Variants in AGAP1 observed in about 807,000 individuals in gnomAD.
The protein encoded by AGAP1 is ArfGAP with GTPase domain, ankyrin repeat and PH domain 1, also known as arf-GAP with GTPase, ANK repeat and PH domain-containing protein 1.
Under a neutral mutation model 105.3 loss-of-function variants are expected in AGAP1, and 29 were observed. The observed-to-expected ratio is 0.28, with a 90% CI of 0.21 to 0.38. The LOEUF is 0.38. AGAP1 is among the 10% of genes least tolerant of loss of function. The pLI is 1.00. For synonymous variants in AGAP1, 509 were observed against 485.9 expected, an observed-to-expected ratio of 1.05 and a Z score of -0.63; for missense variants, 998 against 1,165.1, an observed-to-expected ratio of 0.86 and a Z score of 2.09.
At chr2:235,807,539 T>C (rs1335523750) in intron 9 of AGAP1, among the ~76,000 whole-genome samples, 2 of 152,244 alleles carry the variant, frequency 1.3e-5, no homozygotes, top group Non-Finnish European at 2.9e-5. Context: ...ACAACAGACC[T>C]AATGAAGTGC....
At chr2:235,857,669 A>G (rs1480880104) in intron 9 of AGAP1, among the ~76,000 whole-genome samples, 1 of 152,158 alleles carries the variant, frequency 6.6e-6, no homozygotes, top group Non-Finnish European at 1.5e-5. Context: ...ACAGAAGAGC[A>G]CCTCCTCGGT....
chr2:236,119,522 A>G lies in AGAP1; in HGVS notation c.2115-670A>G, dbSNP rs6720573. The stretch of plus-strand genomic sequence containing the variant: ...ACACACCCCCTATTTCGGAGTTTGA[A>G]GCTAAAAGCACATGGTCACCCCCAG... On this transcript the variant is annotated intron_variant, in intron 16 of 17. Coordinates refer to ENST00000304032, the MANE Select transcript of AGAP1 (RefSeq NM_001037131.3). The surrounding 1 kb of genome is among the most constrained non-coding windows in gnomAD (Gnocchi z 6.6). Among the ~76,000 whole-genome samples, 214 of 152,188 alleles carry G rather than the reference A, an allele frequency of 1.4e-3. 1 individual carries two copies. Among genetic ancestry groups the G allele is most frequent in the African/African-American group, 4.9e-3 (202 of 41,538 alleles).
chr2:235,527,384 T>C (rs1942878944), intron 1 of AGAP1, among the ~76,000 whole-genome samples: 1 of 152,188 alleles, frequency 6.6e-6, no homozygotes. Context: ...CTTACCTTAT[T>C]GATTGAGACA....
intron 1 of AGAP1, among the ~76,000 whole-genome samples, chr2:235,497,379 T>G (rs1941362581): frequency 6.6e-6 from 1 of 152,236 alleles, no homozygotes; most frequent in Non-Finnish European, 1.5e-5. Flanking sequence ...TGCCCCTGCC[T>G]GTGCGTGCAC....
Position 235,799,221 on chromosome 2 carries a change from T to G in AGAP1, c.802-146T>G. 1 of 832,714 alleles carries G rather than the reference T, an allele frequency of 1.2e-6. No homozygotes were observed. The highest frequency in any genetic ancestry group is 1.9e-6 in the Non-Finnish European group (1 of 532,792). 51.6% of individuals were successfully genotyped at this position (832,714 alleles called of 1,614,324 possible). Reference sequence around the variant, plus strand: ...TCTGTAGACATGACACTAATACACCTGGCAAAGCCATAGACGCAAGTCAGC... The same window carrying G: ...TCTGTAGACATGACACTAATACACCGGGCAAAGCCATAGACGCAAGTCAGC... On this transcript the variant is annotated intron_variant, in intron 7 of 17. Coordinates refer to ENST00000304032, the MANE Select transcript of AGAP1 (RefSeq NM_001037131.3). This position sits in a 1 kb window ranked among gnomAD's most constrained non-coding sequence, Gnocchi z 5.0.
Position 235,747,769 on chromosome 2 carries a change from G to C in AGAP1, c.539-2585G>C, listed in dbSNP as rs564554913. 6.6e-6 allele frequency among the ~76,000 whole-genome samples: 1 copy of C among 152,370 alleles called. No homozygotes were observed. The highest frequency in any genetic ancestry group is 2.4e-5 in the African/African-American group (1 of 41,592). On this transcript the variant is annotated intron_variant, in intron 5 of 17. Transcript: ENST00000304032. The surrounding 1 kb of genome is among the most constrained non-coding windows in gnomAD (Gnocchi z 5.0). ...TTTCAGGGGTTTGGCTTCCTGGGATGCCAGAGACAAAAGAGGGATCAGGTT... is the reference window on the plus strand; with the variant it reads ...TTTCAGGGGTTTGGCTTCCTGGGATCCCAGAGACAAAAGAGGGATCAGGTT...
Position 235,612,663 on chromosome 2 carries a change from A to T in AGAP1, c.164-96516A>T, listed in dbSNP as rs775064237. Among the ~76,000 whole-genome samples, 5 of 152,200 alleles carry T rather than the reference A, an allele frequency of 3.3e-5. No homozygotes were observed. Among genetic ancestry groups the T allele is most frequent in the African/African-American group, 4.8e-5 (2 of 41,448 alleles). ...GGTTCACGTGTACCAAACTTGGGAAATCCTGACCAGCGCATCCAGGGTTGC... is the reference window on the plus strand; with the variant it reads ...GGTTCACGTGTACCAAACTTGGGAATTCCTGACCAGCGCATCCAGGGTTGC... On this transcript the variant is annotated intron_variant, in intron 1 of 17. Coordinates refer to ENST00000304032, the MANE Select transcript of AGAP1 (RefSeq NM_001037131.3). The surrounding 1 kb of genome is among the most constrained non-coding windows in gnomAD (Gnocchi z 4.3).
At chr2:235,627,500 C>CAT (rs1946681252) in intron 1 of AGAP1, among the ~76,000 whole-genome samples, 1 of 152,124 alleles carries the variant, frequency 6.6e-6, no homozygotes, top group Admixed American at 6.5e-5. Flanking sequence ...GCTGGGATTA[C>CAT]AGGCGTGAGC....
chr2:236,067,022 CA>C (rs1425014471), intron 16 of AGAP1, among the ~76,000 whole-genome samples: 1 of 100,424 alleles, frequency 1.0e-5, no homozygotes, highest in Non-Finnish European at 2.6e-5. Context: ...CTTCACCAAC[CA>C]ATTTTTTTTT....
Position 235,906,882 on chromosome 2 carries a change from A to T in AGAP1, c.1156-1856A>T, listed in dbSNP as rs2051331383. On this transcript the variant is annotated intron_variant, in intron 10 of 17. Transcript: ENST00000304032. The surrounding 1 kb of genome is among the most constrained non-coding windows in gnomAD (Gnocchi z 5.3). ...GTGTTGCCCTGCAATTAAAAGGTGG[A>T]CTGCTTGCCTGTCATCCCAGCTACT... 6.6e-6 allele frequency among the ~76,000 whole-genome samples: 1 copy of T among 152,156 alleles called. No individual in the cohort carries two copies. Among genetic ancestry groups the T allele is most frequent in the Non-Finnish European group, 1.5e-5 (1 of 68,020 alleles).
At position 235,665,420 on chromosome 2, in the gene AGAP1, G is replaced by A. The variant is rs142770099; in HGVS notation, c.164-43759G>A. On this transcript the variant is annotated intron_variant, in intron 1 of 17. Transcript: ENST00000304032. This position sits in a 1 kb window ranked among gnomAD's most constrained non-coding sequence, Gnocchi z 5.3. ...GTCCTCATCTCTTTTACAGTTCCAC[G>A]TTTAACCTTCAGCTTTTAAAACGAG... Among the ~76,000 whole-genome samples the A allele has an allele frequency of 9.9e-5, 15 of 152,200 alleles. No homozygotes were observed. Among genetic ancestry groups the A allele is most frequent in the African/African-American group, 3.1e-4 (13 of 41,540 alleles).
chr2:235,694,016 C>A (rs1396331346), intron 1 of AGAP1, among the ~76,000 whole-genome samples: 1 of 152,174 alleles, frequency 6.6e-6, no homozygotes, highest in Non-Finnish European at 1.5e-5. Context: ...GTCCATTTAT[C>A]TTGAAGTCTA....
intron 1 of AGAP1, chr2:235,670,028 T>A: frequency 2.9e-6 from 1 of 348,244 alleles, no homozygotes; most frequent in Non-Finnish European, 5.1e-6. Flanking sequence ...CCGCCTGCCC[T>A]CCCCGCTTGG....
At chr2:236,117,733 C>T (rs1451254699) in intron 16 of AGAP1, among the ~76,000 whole-genome samples, 2 of 152,194 alleles carry the variant, frequency 1.3e-5, no homozygotes, top group Non-Finnish European at 2.9e-5. Flanking sequence ...ACGTTTTGCT[C>T]CTTCTCTTTT....
At chr2:235,501,441 C>T (rs549082438) in intron 1 of AGAP1, among the ~76,000 whole-genome samples, 120 of 152,216 alleles carry the variant, frequency 7.9e-4, no homozygotes, top group Middle Eastern at 6.8e-3. Flanking sequence ...AAGCTGAAAG[C>T]GCGTTTCTGT....
rs948992303 is a variant in AGAP1 at position 235,752,043 on chromosome 2, G to A, written c.673+1555G>A. On this transcript the variant is annotated intron_variant, in intron 6 of 17. Transcript: ENST00000304032. This position sits in a 1 kb window ranked among gnomAD's most constrained non-coding sequence, Gnocchi z 4.3. ...AGGGAGGCCCTTAGAGCTCTTCTGA[G>A]AGGTGCACCCTAATGGAGCAAGGTC... Among the ~76,000 whole-genome samples, 2 of 152,238 alleles carry A rather than the reference G, an allele frequency of 1.3e-5. No individual in the cohort carries two copies. The highest frequency in any genetic ancestry group is 4.1e-4 in the South Asian group (2 of 4,830).
chr2:235,860,203 T>C (rs1389895236), intron 9 of AGAP1, among the ~76,000 whole-genome samples: 2 of 152,134 alleles, frequency 1.3e-5, no homozygotes, highest in African/African-American at 4.8e-5. Flanking sequence ...CCAGAAAACA[T>C]ACACTGAGAA....
At chr2:235,885,914 T>A (rs79911065) in intron 10 of AGAP1, among the ~76,000 whole-genome samples, 3,518 of 152,336 alleles carry the variant, frequency 0.023, 87 homozygotes, top group South Asian at 0.091. Context: ...AGTGTCCTGC[T>A]AGTTTAGTTT....
At chr2:235,749,475 TG>T (rs993441708) in intron 5 of AGAP1, among the ~76,000 whole-genome samples, 2 of 151,886 alleles carry the variant, frequency 1.3e-5, no homozygotes, top group Admixed American at 1.3e-4. Context: ...TGACTTAGAT[TG>T]GGGGGATCCA....
Sources: allele counts gnomAD v4.1 joint callset (sites outside exome capture counted in the v4.1 genomes callset), GRCh38; gene constraint gnomAD v4.1.1; non-coding constraint Gnocchi (gnomAD v3.1); transcripts MANE v1.5; gene names NCBI Gene and HGNC (gene_info 2026-07-23, HGNC 2026-07-21).